Variants in MEX3D observed in about 807,000 individuals in gnomAD.
The protein encoded by MEX3D is RNA-binding protein MEX3D.
In MEX3D, 4 loss-of-function variants were observed where a neutral mutation model predicts 6.3. That is an observed-to-expected ratio of 0.64 (90% CI 0.31 to 1.46). The LOEUF is 1.46. Ranked by LOEUF, MEX3D falls within the 40% of genes most tolerant of loss-of-function variation. The pLI is 0.07. For synonymous variants in MEX3D, 626 were observed against 494.1 expected, an observed-to-expected ratio of 1.27 and a Z score of -3.54; for missense variants, 1,038 against 994.4, an observed-to-expected ratio of 1.04 and a Z score of -0.59.
Position 1,555,452 on chromosome 19 carries a change from G to A in MEX3D, c.*111C>T. Reference sequence around the variant, plus strand: ...CGCCGCCCACCCCCCTGCCCCCTCGGCCTCCGCCCCTCGCCCCCTCCCCGT... The same window carrying A: ...CGCCGCCCACCCCCCTGCCCCCTCGACCTCCGCCCCTCGCCCCCTCCCCGT... On this transcript the variant is annotated 3_prime_UTR_variant, in exon 2 of 2. Coordinates refer to ENST00000402693, the MANE Select transcript of MEX3D (RefSeq NM_203304.4). 1 of 891,270 alleles carries A rather than the reference G, an allele frequency of 1.1e-6. No homozygotes were observed. The highest frequency in any genetic ancestry group is 1.4e-6 in the Non-Finnish European group (1 of 690,098). The allele number at this position is 891,270 out of a possible 1,614,324, so 55.2% of individuals were successfully genotyped here. A position where few individuals can be genotyped will look rare whatever the true frequency, so the allele number is the denominator to read the frequency against.
chr19:1,567,269 C>CG lies in MEX3D; in HGVS notation c.595+194dup, dbSNP rs1272652578. 1.3e-5 allele frequency among the ~76,000 whole-genome samples: 2 copies of CG among 151,638 alleles called. No homozygotes were observed. The highest frequency in any genetic ancestry group is 4.8e-5 in the African/African-American group (2 of 41,312). ...GGCCGGAGCGCGCAGGGGAGGAGCG[C>CG]GGGCTGCGCCCAACTTTCTCCCGCG... On this transcript the variant is annotated intron_variant, in intron 1 of 1. Transcript: ENST00000402693. The surrounding 1 kb of genome is among the most constrained non-coding windows in gnomAD (Gnocchi z 6.5).
Position 1,556,776 on chromosome 19 carries a change from G to A in MEX3D, c.743C>T (p.Ser248Phe), listed in dbSNP as rs1196313063. 6.2e-7 allele frequency: 1 copy of A among 1,612,428 alleles called. No homozygotes were observed. Among genetic ancestry groups the A allele is most frequent in the Non-Finnish European group, 8.5e-7 (1 of 1,179,788 alleles). ...REILSAAEHF[S>F]IIRATRSKAG... ...CTTGCTGCGCGTGGCGCGGATGATGGAGAAGTGTTCGGCCGCCGACAGGAT... is the reference window on the plus strand; with the variant it reads ...CTTGCTGCGCGTGGCGCGGATGATGAAGAAGTGTTCGGCCGCCGACAGGAT... Residue 248 changes from serine (S) to phenylalanine (F), a missense_variant, in exon 2 of 2, where the codon TCC becomes TTC. By Grantham distance (155) the Ser-to-Phe change is radical. This residue lies in a region of MEX3D where 75 missense variants were observed against 125.1 expected (regional missense o/e 0.60). Transcript: ENST00000402693. This position sits in a 1 kb window ranked among gnomAD's most constrained non-coding sequence, Gnocchi z 7.5.
At chr19:1,563,313 G>T (rs531341315) in intron 1 of MEX3D, among the ~76,000 whole-genome samples, 1 of 152,312 alleles carries the variant, frequency 6.6e-6, no homozygotes, top group East Asian at 1.9e-4. Flanking sequence ...GTCGCCCCCA[G>T]CTGAGGGGAA....
Position 1,554,816 on chromosome 19 carries a change from TTAAAA to T in MEX3D, c.*742_*746del, listed in dbSNP as rs1038610987. ...TAAGATTAAAGGTCCATTACTTTATTTAAAATAAAATATATTTTAGTTCTTAAAAT... is the reference window on the plus strand; with the variant it reads ...TAAGATTAAAGGTCCATTACTTTATTTAAAATATATTTTAGTTCTTAAAAT... On this transcript the variant is annotated 3_prime_UTR_variant, in exon 2 of 2. Transcript: ENST00000402693. 4 of 152,136 alleles carry T rather than the reference TTAAAA, an allele frequency of 2.6e-5. No individual in the cohort carries two copies. The highest frequency in any genetic ancestry group is 4.8e-5 in the African/African-American group (2 of 41,372). The allele number at this position is 152,136 out of a possible 1,614,324, so 9.4% of individuals were successfully genotyped here.
Position 1,556,991 on chromosome 19 carries a change from T to C in MEX3D, c.596-68A>G, listed in dbSNP as rs926057355. 3.4e-5 allele frequency: 51 copies of C among 1,505,750 alleles called. No individual in the cohort carries two copies. Among genetic ancestry groups the C allele is most frequent in the African/African-American group, 3.3e-4 (24 of 72,120 alleles). 93.3% of individuals were successfully genotyped at this position (1,505,750 alleles called of 1,614,324 possible). ...CTGCGCAGCTCAGCCCCGCTGGGCA[T>C]GCAGGCTGCAGGGCCAGTGAGGGAG... On this transcript the variant is annotated intron_variant, in intron 1 of 1. Coordinates refer to ENST00000402693, the MANE Select transcript of MEX3D (RefSeq NM_203304.4). This position sits in a 1 kb window ranked among gnomAD's most constrained non-coding sequence, Gnocchi z 7.5.
Position 1,567,713 on chromosome 19 carries a change from C to CG in MEX3D, c.345_346insC (p.Ala116ArgfsTer124). ...AGCGACCCGGGGGCCACGGCGGGGG[C>CG]CAGGGTCGGGGGCGCGCCGGCCTCA... is the stretch of plus-strand genomic sequence containing the variant. On this transcript the variant is annotated frameshift_variant, in exon 1 of 2. Transcript: ENST00000402693. LOFTEE classifies it high-confidence loss of function. The surrounding 1 kb of genome is among the most constrained non-coding windows in gnomAD (Gnocchi z 6.5). The CG allele has an allele frequency of 9.7e-7, 1 of 1,035,158 alleles. No homozygotes were observed. The highest frequency in any genetic ancestry group is 1.2e-6 in the Non-Finnish European group (1 of 854,578). 64.1% of individuals were successfully genotyped at this position (1,035,158 alleles called of 1,614,324 possible).
chr19:1,565,534 T>TC (rs1446943750), intron 1 of MEX3D, among the ~76,000 whole-genome samples: 1 of 152,124 alleles, frequency 6.6e-6, no homozygotes, highest in Non-Finnish European at 1.5e-5. Context: ...AGAGCGAAAC[T>TC]CCGTCTCATA....
intron 1 of MEX3D, among the ~76,000 whole-genome samples, chr19:1,564,487 C>T (rs893558069): frequency 6.8e-6 from 1 of 147,616 alleles, no homozygotes; most frequent in Non-Finnish European, 1.5e-5. Flanking sequence ...GAACCGGGAT[C>T]GTGCCATTGC....
Position 1,555,513 on chromosome 19 carries a change from G to A in MEX3D, c.*50C>T, listed in dbSNP as rs543019217. On this transcript the variant is annotated 3_prime_UTR_variant, in exon 2 of 2. Coordinates refer to ENST00000402693, the MANE Select transcript of MEX3D (RefSeq NM_203304.4). ...CCCCGGGTCCCGCCCCGTCTCCCGC[G>A]CCCACCCCTGGCCCCCGCAGATGGC... 91 of 1,376,370 alleles carry A rather than the reference G, an allele frequency of 6.6e-5. 1 individual carries two copies. In the South Asian group the frequency reaches 9.4e-4, roughly 14 times the overall value. 85.3% of individuals were successfully genotyped at this position (1,376,370 alleles called of 1,614,324 possible).
In MEX3D at chr19:1,562,341, A is replaced by G. The variant is rs1914740609; in HGVS notation, c.595+5123T>C. On this transcript the variant is annotated intron_variant, in intron 1 of 1. Transcript: ENST00000402693. ...GGAGTTCGAGACCAGACTGACCAACATGGTGAAACCCCATCTCCACTAAAA... is the reference window on the plus strand; with the variant it reads ...GGAGTTCGAGACCAGACTGACCAACGTGGTGAAACCCCATCTCCACTAAAA... 7.3e-5 allele frequency among the ~76,000 whole-genome samples: 11 copies of G among 150,022 alleles called. 1 individual carries two copies. Among genetic ancestry groups the G allele is most frequent in the Admixed American group, 6.7e-4 (10 of 14,938 alleles).
At chr19:1,566,079 C>G (rs1914831733) in intron 1 of MEX3D, among the ~76,000 whole-genome samples, 1 of 152,224 alleles carries the variant, frequency 6.6e-6, no homozygotes, top group Non-Finnish European at 1.5e-5. Flanking sequence ...CTGTCCCGTT[C>G]TAGGCCCTGG....
At chr19:1,557,598 C>G (rs1482189369) in intron 1 of MEX3D, among the ~76,000 whole-genome samples, 1 of 149,860 alleles carries the variant, frequency 6.7e-6, no homozygotes, top group African/African-American at 2.5e-5. Context: ...CAGTGGCTCA[C>G]CCCTGTAATC....
At chr19:1,562,995 G>A (rs1016889139) in intron 1 of MEX3D, among the ~76,000 whole-genome samples, 1 of 152,166 alleles carries the variant, frequency 6.6e-6, no homozygotes, top group Non-Finnish European at 1.5e-5. Flanking sequence ...TCCAGCCTGG[G>A]CGACAAGAGC....
At chr19:1,563,552 G>A (rs1222618024) in intron 1 of MEX3D, among the ~76,000 whole-genome samples, 1 of 152,194 alleles carries the variant, frequency 6.6e-6, no homozygotes, top group East Asian at 1.9e-4. Flanking sequence ...CTGCCACGGA[G>A]CACAGATTCA....
chr19:1,555,150 G>A lies in MEX3D; in HGVS notation c.*413C>T, dbSNP rs1315451392. 1.4e-5 allele frequency: 7 copies of A among 497,704 alleles called. No homozygotes were observed. The highest frequency in any genetic ancestry group is 2.2e-5 in the South Asian group (1 of 44,538). The allele number at this position is 497,704 out of a possible 1,614,324, so 30.8% of individuals were successfully genotyped here. A position where few individuals can be genotyped will look rare whatever the true frequency, so the allele number is the denominator to read the frequency against. ...TCTGTGCGGCCTGAGACCGGCCGGC[G>A]AGAAAAGTCAAATCAGAAAACGGCT... On this transcript the variant is annotated 3_prime_UTR_variant, in exon 2 of 2. Coordinates refer to ENST00000402693, the MANE Select transcript of MEX3D (RefSeq NM_203304.4).
Position 1,556,504 on chromosome 19 carries a change from T to C in MEX3D, c.1015A>G (p.Thr339Ala). 1.9e-6 allele frequency: 3 copies of C among 1,605,676 alleles called. No individual in the cohort carries two copies. The highest frequency in any genetic ancestry group is 2.5e-6 in the Non-Finnish European group (3 of 1,177,822). ...RAREEIEAHI[T>A]LRTGAFTDAG... Reference sequence around the variant, plus strand: ...TCGGTGAAGGCGCCAGTGCGCAGCGTGATGTGCGCCTCGATCTCCTCGCGC... The same window carrying C: ...TCGGTGAAGGCGCCAGTGCGCAGCGCGATGTGCGCCTCGATCTCCTCGCGC... The change falls in exon 2 of 2, where the codon ACG (threonine) becomes GCG (alanine). Residue 339 changes from threonine (T) to alanine (A), a missense_variant. By Grantham distance (58) the Thr-to-Ala change is moderately conservative. Transcript: ENST00000402693. This position sits in a 1 kb window ranked among gnomAD's most constrained non-coding sequence, Gnocchi z 7.5.
At chr19:1,559,557 C>T (rs948695095) in intron 1 of MEX3D, among the ~76,000 whole-genome samples, 5 of 152,336 alleles carry the variant, frequency 3.3e-5, no homozygotes, top group African/African-American at 4.8e-5. Context: ...TGGGCCACTG[C>T]GCCCGGCCCG....
chr19:1,556,087 G>A lies in MEX3D; in HGVS notation c.1432C>T (p.Arg478Cys). The A allele has an allele frequency of 7.0e-6, 10 of 1,435,524 alleles. No individual in the cohort carries two copies. The highest frequency in any genetic ancestry group is 9.1e-6 in the Non-Finnish European group (10 of 1,093,446). 88.9% of individuals were successfully genotyped at this position (1,435,524 alleles called of 1,614,324 possible). The change falls in exon 2 of 2, where the codon CGC (arginine) becomes TGC (cysteine). Residue 478 changes from arginine (R) to cysteine (C), a missense_variant. By Grantham distance (180) the Arg-to-Cys change is radical. Coordinates refer to ENST00000402693, the MANE Select transcript of MEX3D (RefSeq NM_203304.4). This position sits in a 1 kb window ranked among gnomAD's most constrained non-coding sequence, Gnocchi z 7.5. ...AAATIWAPFE[R>C]AAPLPAFSGC... is the part of the protein sequence containing the mutation. ...CTGAAGGCGGGCAAGGGGGCGGCGC[G>A]CTCAAAAGGCGCCCAGATGGTGGCC... is the stretch of plus-strand genomic sequence containing the variant.
chr19:1,563,549 G>A (rs1000743724), intron 1 of MEX3D, among the ~76,000 whole-genome samples: 6 of 152,178 alleles, frequency 3.9e-5, no homozygotes, highest in East Asian at 1.9e-4. Context: ...AGGCTGCCAC[G>A]GAGCACAGAT....
Sources: allele counts gnomAD v4.1 joint callset (sites outside exome capture counted in the v4.1 genomes callset), GRCh38; gene constraint gnomAD v4.1.1; regional missense constraint gnomAD v4.1.1; non-coding constraint Gnocchi (gnomAD v3.1); transcripts MANE v1.5; gene names NCBI Gene and HGNC (gene_info 2026-07-23, HGNC 2026-07-21).